FAM110B: variants seen among roughly 807,000 people sequenced by gnomAD.
FAM110B encodes the protein protein FAM110B.
A neutral mutation model predicts 20.4 loss-of-function variants in FAM110B; 6 were observed. The ratio of observed to expected loss-of-function variants is 0.29; its 90% CI spans 0.16 to 0.58. FAM110B has a LOEUF of 0.58. Among genes scored for constraint, FAM110B ranks in the 20% least tolerant of loss-of-function variants. The pLI, the probability that FAM110B is intolerant of heterozygous loss-of-function variation, is 0.90. For missense variants in FAM110B, 434 were observed against 498.2 expected, an observed-to-expected ratio of 0.87 and a Z score of 1.23; for synonymous variants, 226 against 214.1, an observed-to-expected ratio of 1.06 and a Z score of -0.49.
chr8:58,070,299 CGACAGAAGGCGTTT>C (rs1336451539), intron 2 of FAM110B: 1 of 152,154 alleles, frequency 6.6e-6, no homozygotes, highest in Non-Finnish European at 1.5e-5. Context: ...ATAAGGCGCC[CGACAGAAGGCGTTT>C]GTCTTTGTTG....
chr8:58,098,172 C>G (rs566257538), intron 3 of FAM110B, among the ~76,000 whole-genome samples: 1 of 152,328 alleles, frequency 6.6e-6, no homozygotes, highest in East Asian at 1.9e-4. Context: ...TGTTCTGTCC[C>G]AGGGAGATGG....
rs933644122 is a variant in FAM110B, at chr8:58,118,489, G to A, written c.-324-27418G>A. Among the ~76,000 whole-genome samples, 16 of 152,276 alleles carry A rather than the reference G, an allele frequency of 1.1e-4. No homozygotes were observed. The East Asian group carries it at 1.3e-3, about 13-fold the overall frequency. On this transcript the variant is annotated intron_variant, in intron 3 of 3. Transcript: ENST00000519262. ...TCTGGGTGCTTACCGGAAGATTAGC[G>A]GTGGGAAGTTTCTTCAGACTAGCTT...
At chr8:58,027,913 C>A (rs931988597) in intron 1 of FAM110B, among the ~76,000 whole-genome samples, 5 of 152,124 alleles carry the variant, frequency 3.3e-5, no homozygotes, top group African/African-American at 1.2e-4. Flanking sequence ...CATTCTTGTG[C>A]AAATCTTTGT....
intron 3 of FAM110B, among the ~76,000 whole-genome samples, chr8:58,089,302 A>T (rs1398605872): frequency 6.6e-6 from 1 of 152,226 alleles, no homozygotes. Context: ...TAGATGTTTG[A>T]TGCTTCTATT....
At chr8:58,131,967 A>G (rs1803483168) in intron 3 of FAM110B, among the ~76,000 whole-genome samples, 1 of 152,222 alleles carries the variant, frequency 6.6e-6, no homozygotes, top group Admixed American at 6.5e-5. Context: ...AGGCTTCACC[A>G]GGATAAGCTG....
At position 58,146,559 on chromosome 8, in the gene FAM110B, G is replaced by C; in HGVS notation, c.329G>C (p.Gly110Ala). 1 of 1,614,044 alleles carries C rather than the reference G, an allele frequency of 6.2e-7. No homozygotes were observed. The highest frequency in any genetic ancestry group is 8.5e-7 in the Non-Finnish European group (1 of 1,179,946). The change falls in exon 4 of 4, where the codon GGC (glycine) becomes GCC (alanine). Residue 110 changes from glycine to alanine, a missense_variant. Transcript: ENST00000519262. ...VFGNHAKTES[G>A]VQRENLKLEI... Reference sequence around the variant, plus strand: ...GGCAACCACGCCAAGACCGAGAGCGGCGTGCAGAGGGAGAACCTGAAGCTG... The same window carrying C: ...GGCAACCACGCCAAGACCGAGAGCGCCGTGCAGAGGGAGAACCTGAAGCTG...
At chr8:58,115,324 G>A (rs1002033191) in intron 3 of FAM110B, among the ~76,000 whole-genome samples, 4 of 152,190 alleles carry the variant, frequency 2.6e-5, no homozygotes, top group Non-Finnish European at 4.4e-5. Context: ...GAGCACACAC[G>A]TGCAGAGACA....
At chr8:58,080,313 T>G (rs1806157870) in intron 3 of FAM110B, among the ~76,000 whole-genome samples, 1 of 152,112 alleles carries the variant, frequency 6.6e-6, no homozygotes, top group Non-Finnish European at 1.5e-5. Context: ...AAATGTCTGG[T>G]GGAATATTAG....
intron 3 of FAM110B, among the ~76,000 whole-genome samples, chr8:58,130,928 G>A (rs17176439): frequency 0.022 from 3,285 of 152,250 alleles, 53 homozygotes; most frequent in East Asian, 0.034. Context: ...TTACACATCA[G>A]CGTCTAAGAA....
At chr8:58,117,947 AT>A (rs1184330354) in intron 3 of FAM110B, among the ~76,000 whole-genome samples, 1 of 152,254 alleles carries the variant, frequency 6.6e-6, no homozygotes, top group Non-Finnish European at 1.5e-5. Context: ...TAAAATTAAA[AT>A]TAAGAAGTAT....
chr8:58,133,125 A>T (rs982259930), intron 3 of FAM110B, among the ~76,000 whole-genome samples: 1 of 151,948 alleles, frequency 6.6e-6, no homozygotes, highest in African/African-American at 2.4e-5. Context: ...GTAATTTTTT[A>T]AAGTATTGAT....
chr8:58,000,867 CA>C (rs1439025327), intron 1 of FAM110B, among the ~76,000 whole-genome samples: 1 of 152,198 alleles, frequency 6.6e-6, no homozygotes, highest in Non-Finnish European at 1.5e-5. Context: ...AGTGTCCTTT[CA>C]AATGATCATT....
intron 3 of FAM110B, among the ~76,000 whole-genome samples, chr8:58,114,705 C>T (rs913336152): frequency 1.3e-5 from 2 of 152,298 alleles, no homozygotes; most frequent in African/African-American, 2.4e-5. Context: ...TCAATGTGAG[C>T]GCTAGGCCCT....
intron 3 of FAM110B, among the ~76,000 whole-genome samples, chr8:58,111,499 A>G (rs1807056413): frequency 6.6e-6 from 1 of 152,334 alleles, no homozygotes; most frequent in African/African-American, 2.4e-5. Flanking sequence ...GCCTGGTTCC[A>G]TGTGGGAACA....
rs137925012 is a variant in FAM110B at position 58,054,551 on chromosome 8, G to A, written c.-413-20984G>A. On this transcript the variant is annotated intron_variant, in intron 2 of 3. Transcript: ENST00000519262. ...TTGCTATATTTCTTCAGTTATAACCGTTTAAACAAATAGATACACAGAAAT... is the reference window on the plus strand; with the variant it reads ...TTGCTATATTTCTTCAGTTATAACCATTTAAACAAATAGATACACAGAAAT... Among the ~76,000 whole-genome samples the A allele has an allele frequency of 2.1e-4, 32 of 152,300 alleles. No homozygotes were observed. In the East Asian group the frequency reaches 4.4e-3, roughly 21 times the overall value.
At chr8:58,108,807 T>C (rs1806982825) in intron 3 of FAM110B, among the ~76,000 whole-genome samples, 1 of 152,186 alleles carries the variant, frequency 6.6e-6, no homozygotes, top group African/African-American at 2.4e-5. Flanking sequence ...ATGGTGAAAA[T>C]GTTGAGAATT....
chr8:58,064,859 A>G (rs1805730843), intron 2 of FAM110B, among the ~76,000 whole-genome samples: 1 of 152,208 alleles, frequency 6.6e-6, no homozygotes, highest in Admixed American at 6.5e-5. Context: ...AGAAGGAGAG[A>G]CGTATATGGT....
intron 2 of FAM110B, among the ~76,000 whole-genome samples, chr8:58,052,847 G>A (rs1288978890): frequency 7.4e-6 from 1 of 134,542 alleles, no homozygotes; most frequent in Admixed American, 8.0e-5. Context: ...GTGCAGTGGC[G>A]CGATCTCGGC....
intron 1 of FAM110B, among the ~76,000 whole-genome samples, chr8:57,996,144 TAAA>T (rs747248922): frequency 5.2e-4 from 79 of 152,348 alleles, no homozygotes; most frequent in Non-Finnish European, 8.4e-4. Flanking sequence ...GAGTTAATGG[TAAA>T]CTAGAATCCT....
Sources: gnomAD v4.1 joint callset for allele counts (sites outside exome capture counted in the v4.1 genomes callset) on GRCh38, gnomAD v4.1.1 for gene constraint, MANE v1.5 for transcripts, NCBI Gene and HGNC (gene_info 2026-07-23, HGNC 2026-07-21) for gene names.